Variants in PDE9A observed in about 807,000 individuals in gnomAD.
The protein encoded by PDE9A is high affinity cGMP-specific 3',5'-cyclic phosphodiesterase 9A.
A neutral mutation model predicts 87.4 loss-of-function variants in PDE9A; 60 were observed. That is an observed-to-expected ratio of 0.69 (90% CI 0.56 to 0.85). PDE9A has a LOEUF of 0.85. PDE9A is among the 40% of genes least tolerant of loss of function. PDE9A has a pLI of 0.00. For missense variants in PDE9A, 665 were observed against 779.0 expected (o/e 0.85, Z 1.74); for synonymous variants, 272 against 279.4 (o/e 0.97, Z 0.27).
rs2060149086 is a variant in PDE9A at position 42,696,552 on chromosome 21, C to T, written c.219-2416C>T. Among the ~76,000 whole-genome samples, 1 of 152,160 alleles carries T rather than the reference C, an allele frequency of 6.6e-6. No homozygotes were observed. Among genetic ancestry groups the T allele is most frequent in the Admixed American group, 6.5e-5 (1 of 15,280 alleles). On this transcript the variant is annotated intron_variant, in intron 3 of 19. Transcript: ENST00000291539. The surrounding 1 kb of genome is among the most constrained non-coding windows in gnomAD (Gnocchi z 5.1). ...TTTCTCTCCACCCACTGCACCATTT[C>T]CAGGGCTGCTCTCATGGTGGGAGCC...
intron 4 of PDE9A, 121 bp from the exon 5 acceptor site, chr21:42,731,649 G>A: frequency 9.8e-7 from 1 of 1,023,162 alleles, no homozygotes; most frequent in East Asian, 2.4e-5. Flanking sequence ...AGAACACCGT[G>A]TTCTGAATTG....
intron 4 of PDE9A, among the ~76,000 whole-genome samples, chr21:42,699,930 A>C (rs1459438948): frequency 1.3e-5 from 2 of 152,116 alleles, no homozygotes; most frequent in Non-Finnish European, 2.9e-5. Flanking sequence ...AATGCCATTT[A>C]AGTGCCTATT....
rs539587912 is a variant in PDE9A, at chr21:42,723,456, G to C, written c.263-8314G>C. Among the ~76,000 whole-genome samples the C allele has an allele frequency of 1.7e-4, 26 of 152,354 alleles. 1 individual carries two copies. The South Asian group carries it at 2.7e-3, about 16-fold the overall frequency. The stretch of plus-strand genomic sequence containing the variant: ...AGATGAGAAGCAGCCAGGAGTTGAG[G>C]CTGAAGAGGAGCCTACCTAAACCTG... On this transcript the variant is annotated intron_variant, in intron 4 of 19. Coordinates refer to ENST00000291539, the MANE Select transcript of PDE9A (RefSeq NM_002606.3). The surrounding 1 kb of genome is among the most constrained non-coding windows in gnomAD (Gnocchi z 4.3).
At chr21:42,773,505 T>G (rs1275898331) in intron 19 of PDE9A, among the ~76,000 whole-genome samples, 2 of 152,088 alleles carry the variant, frequency 1.3e-5, no homozygotes, top group Non-Finnish European at 2.9e-5. Flanking sequence ...TTTGTTCACC[T>G]CATAATAAGG....
At position 42,733,420 on chromosome 21, in the gene PDE9A, G is replaced by A. The variant is rs1029181892; in HGVS notation, c.562G>A (p.Val188Met). Reference sequence around the variant, plus strand: ...TCACTTGGCTGTCCTAGAGAAACGCGTGGAATGTGAGTGACGTTTCTGTTT... The same window carrying A: ...TCACTTGGCTGTCCTAGAGAAACGCATGGAATGTGAGTGACGTTTCTGTTT... ...ANHLAVLEKRVELEGLKVVEI... is the reference protein window; with the variant it reads ...ANHLAVLEKRMELEGLKVVEI... The change falls in exon 7 of 20, where the codon GTG becomes ATG. Residue 188 changes from valine (V) to methionine (M), a missense_variant. By Grantham distance (21) the Val-to-Met change is conservative. Coordinates refer to ENST00000291539, the MANE Select transcript of PDE9A (RefSeq NM_002606.3). 45 of 1,586,422 alleles carry A rather than the reference G, an allele frequency of 2.8e-5. No homozygotes were observed. The highest frequency in any genetic ancestry group is 2.8e-5 in the Non-Finnish European group (32 of 1,154,702).
chr21:42,681,858 G>T (rs2059183189), intron 1 of PDE9A, among the ~76,000 whole-genome samples: 1 of 152,084 alleles, frequency 6.6e-6, no homozygotes, highest in South Asian at 2.1e-4. Context: ...TGCACTATTT[G>T]TTTCTGGATA....
At chr21:42,755,994 CTG>C (rs1210904631) in intron 10 of PDE9A, among the ~76,000 whole-genome samples, 2 of 152,240 alleles carry the variant, frequency 1.3e-5, no homozygotes, top group Non-Finnish European at 2.9e-5. Flanking sequence ...GCTGGGGGAT[CTG>C]TGTCTCCATA....
chr21:42,728,894 A>C (rs913213428), intron 4 of PDE9A, among the ~76,000 whole-genome samples: 1 of 151,410 alleles, frequency 6.6e-6, no homozygotes, highest in African/African-American at 2.4e-5. Flanking sequence ...CCAGCTACTC[A>C]GGAGGCTGAG....
In PDE9A at chr21:42,710,995, A is replaced by G. The variant is rs1469496489; in HGVS notation, c.262+11984A>G. On this transcript the variant is annotated intron_variant, in intron 4 of 19. Coordinates refer to ENST00000291539, the MANE Select transcript of PDE9A (RefSeq NM_002606.3). ...GAGCAAAAGCTGCATCTCAAAAAAA[A>G]TATGTAAAAAGGATTTTGCTCATTT... 2.0e-5 allele frequency among the ~76,000 whole-genome samples: 3 copies of G among 152,236 alleles called. No individual in the cohort carries two copies. The East Asian group carries it at 5.8e-4, about 29-fold the overall frequency.
intron 1 of PDE9A, among the ~76,000 whole-genome samples, chr21:42,665,999 C>T (rs1466240725): frequency 1.3e-5 from 2 of 152,202 alleles, no homozygotes; most frequent in African/African-American, 2.4e-5. Flanking sequence ...GCACAGGAAA[C>T]GCTGCCTTCC....
intron 4 of PDE9A, among the ~76,000 whole-genome samples, chr21:42,703,368 G>A (rs1017157374): frequency 1.3e-5 from 2 of 152,216 alleles, no homozygotes; most frequent in African/African-American, 4.8e-5. Context: ...TGAGCCGGAC[G>A]GAGACCGAAC....
At chr21:42,727,489 A>ATTTTTTTTTTTT (rs58515760) in intron 4 of PDE9A, among the ~76,000 whole-genome samples, 10 of 88,326 alleles carry the variant, frequency 1.1e-4, no homozygotes, top group African/African-American at 1.5e-4. Context: ...ACGCCTGGCT[A>ATTTTTTTTTTTT]TTTTTTTTTT....
chr21:42,662,964 C>T (rs1450873040), intron 1 of PDE9A, among the ~76,000 whole-genome samples: 6 of 147,782 alleles, frequency 4.1e-5, no homozygotes, highest in Non-Finnish European at 7.5e-5. Flanking sequence ...CACATGCACA[C>T]GCCACGCGCC....
rs2059911932 is a variant in PDE9A, at chr21:42,692,648, C to T, written c.218+4654C>T. Among the ~76,000 whole-genome samples, 1 of 152,094 alleles carries T rather than the reference C, an allele frequency of 6.6e-6. No homozygotes were observed. The highest frequency in any genetic ancestry group is 2.1e-4 in the South Asian group (1 of 4,824). ...TTCTGCAGGTTCCCAGTGAGGAGGA[C>T]GAGGCTGGCCCGGGACACGCCACTG... is the stretch of plus-strand genomic sequence containing the variant. On this transcript the variant is annotated intron_variant, in intron 3 of 19. Transcript: ENST00000291539. The surrounding 1 kb of genome is among the most constrained non-coding windows in gnomAD (Gnocchi z 4.3).
chr21:42,768,314 C>G (rs765244807), intron 16 of PDE9A, 22 bp downstream of exon 16: 60 of 1,415,960 alleles, frequency 4.2e-5, no homozygotes, highest in Non-Finnish European at 5.9e-5. Flanking sequence ...GCAGAGCAAT[C>G]AAGCCTCCAG....
chr21:42,662,249 C>G (rs1057445573), intron 1 of PDE9A, among the ~76,000 whole-genome samples: 1 of 152,074 alleles, frequency 6.6e-6, no homozygotes, highest in African/African-American at 2.4e-5. Flanking sequence ...GTCAAGTGGT[C>G]CCTGTGCCTC....
Position 42,686,221 on chromosome 21 carries a change from C to A in PDE9A, c.99C>A (p.Ser33Arg). ...TCTTCAGCAAGTACTGCAACTCCAG[C>A]GACATCATGGACCTGTTCTGCATCG... ...KVIFSKYCNS[S>R]DIMDLFCIAT... The change falls in exon 2 of 20, where the codon AGC becomes AGA. Residue 33 changes from serine to arginine, a missense_variant. Ser to Arg is a moderately radical substitution (Grantham distance 110, BLOSUM62 -1). Transcript: ENST00000291539. The A allele has an allele frequency of 1.2e-6, 2 of 1,613,870 alleles. No individual in the cohort carries two copies. Among genetic ancestry groups the A allele is most frequent in the African/African-American group, 1.3e-5 (1 of 75,076 alleles).
chr21:42,677,124 C>T (rs892153302), intron 1 of PDE9A, among the ~76,000 whole-genome samples: 4 of 152,204 alleles, frequency 2.6e-5, no homozygotes, highest in Admixed American at 2.6e-4. Context: ...CATGCCTGGG[C>T]TCTCTTCTTC....
intron 7 of PDE9A, among the ~76,000 whole-genome samples, chr21:42,736,071 C>T (rs1301121753): frequency 6.6e-6 from 1 of 152,056 alleles, no homozygotes; most frequent in Non-Finnish European, 1.5e-5. Context: ...CAGCAGGTGC[C>T]TCCCACCTCT....
Sources: allele counts gnomAD v4.1 joint callset (sites outside exome capture counted in the v4.1 genomes callset), GRCh38; gene constraint gnomAD v4.1.1; non-coding constraint Gnocchi (gnomAD v3.1); transcripts MANE v1.5; gene names NCBI Gene and HGNC (gene_info 2026-07-23, HGNC 2026-07-21).